The following CCSER1 variants were observed in gnomAD, a reference collection of about 807,000 sequenced individuals.
CCSER1 encodes coiled-coil serine rich protein 1, also known as serine-rich coiled-coil domain-containing protein 1.
A neutral mutation model predicts 82.0 loss-of-function variants in CCSER1; 41 were observed. That is an observed-to-expected ratio of 0.50 (90% CI 0.39 to 0.65). The LOEUF is 0.65. Ranked by LOEUF, CCSER1 falls within the 30% of genes least tolerant of loss-of-function variation. CCSER1 has a pLI of 0.00. For missense variants in CCSER1, 1,119 were observed against 1,064.2 expected (o/e 1.05, Z -0.72); for synonymous variants, 414 against 383.9 (o/e 1.08, Z -0.92).
At chr4:91,453,837 G>A (rs1578496967) in intron 10 of CCSER1, among the ~76,000 whole-genome samples, 1 of 152,106 alleles carries the variant, frequency 6.6e-6, no homozygotes, top group East Asian at 1.9e-4. Flanking sequence ...TTTTCATCTG[G>A]TGATAGGCCA....
intron 3 of CCSER1, among the ~76,000 whole-genome samples, chr4:90,348,749 A>G (rs1216938537): frequency 2.0e-5 from 3 of 152,182 alleles, no homozygotes; most frequent in African/African-American, 7.2e-5. Flanking sequence ...AGGGTTTAGC[A>G]TTATCTGAGG....
chr4:90,834,655 A>C (rs867754152), intron 8 of CCSER1, among the ~76,000 whole-genome samples: 38 of 152,212 alleles, frequency 2.5e-4, no homozygotes, highest in Non-Finnish European at 2.2e-4. Flanking sequence ...ACCCATTTTA[A>C]TCAATTTTCA....
chr4:90,930,912 A>T lies in CCSER1; in HGVS notation c.2172+7465A>T, dbSNP rs1319747668. On this transcript the variant is annotated intron_variant, in intron 9 of 10. Transcript: ENST00000509176. ...GCAAAAGGAAATTTATCCTTATTTT[A>T]TATATATATATATATATATATATAT... 2.5e-4 allele frequency among the ~76,000 whole-genome samples: 20 copies of T among 80,770 alleles called. No individual in the cohort carries two copies. The South Asian group carries it at 3.1e-3, about 12-fold the overall frequency. The allele number at this position is 80,770 out of a possible 152,430, so 53.0% of individuals were successfully genotyped here.
intron 10 of CCSER1, among the ~76,000 whole-genome samples, chr4:91,348,887 A>AT (rs1453238630): frequency 6.6e-6 from 1 of 151,830 alleles, no homozygotes; most frequent in Non-Finnish European, 1.5e-5. Flanking sequence ...GATTTTGTTG[A>AT]TTTTTTAAAA....
At chr4:90,982,830 T>C (rs1736237954) in intron 9 of CCSER1, among the ~76,000 whole-genome samples, 3 of 151,830 alleles carry the variant, frequency 2.0e-5, no homozygotes, top group Non-Finnish European at 4.4e-5. Flanking sequence ...ACTTCTATAA[T>C]AGGTTCCTGA....
At chr4:91,598,171 T>C (rs1289694424) in intron 10 of CCSER1, among the ~76,000 whole-genome samples, 1 of 152,216 alleles carries the variant, frequency 6.6e-6, no homozygotes, top group Non-Finnish European at 1.5e-5. Flanking sequence ...TAAGTAACTA[T>C]AGCATATTAA....
chr4:91,353,801 CTATTACTATGATTACTTTTATTA>C (rs1020951533), intron 10 of CCSER1, among the ~76,000 whole-genome samples: 1 of 152,160 alleles, frequency 6.6e-6, no homozygotes, highest in African/African-American at 2.4e-5. Context: ...AAGCAGGTTC[CTATTACTATGATTACTTTTATTA>C]TAAGAGTTTT....
chr4:90,287,366 G>T (rs1383685796), intron 1 of CCSER1, among the ~76,000 whole-genome samples: 1 of 151,878 alleles, frequency 6.6e-6, no homozygotes, highest in Non-Finnish European at 1.5e-5. Context: ...TATAATAGGA[G>T]AAACCTTAAG....
At chr4:91,151,949 T>C (rs920748602) in intron 10 of CCSER1, among the ~76,000 whole-genome samples, 6 of 152,226 alleles carry the variant, frequency 3.9e-5, no homozygotes, top group Admixed American at 6.5e-5. Flanking sequence ...ATGTATATTC[T>C]GTTGATTTGG....
chr4:90,222,576 G>A (rs7657924), intron 1 of CCSER1, among the ~76,000 whole-genome samples: 2,400 of 152,168 alleles, frequency 0.016, 35 homozygotes, highest in African/African-American at 0.041. Flanking sequence ...ATTTACGCAC[G>A]TTTATTTTAT....
chr4:90,352,748 T>C (rs974925998), intron 3 of CCSER1, among the ~76,000 whole-genome samples: 3 of 152,088 alleles, frequency 2.0e-5, no homozygotes, highest in African/African-American at 7.2e-5. Context: ...AACATAACAT[T>C]GAATAACTGT....
intron 5 of CCSER1, among the ~76,000 whole-genome samples, chr4:90,561,379 G>A (rs144265612): frequency 7.4e-4 from 112 of 152,278 alleles, no homozygotes; most frequent in African/African-American, 2.6e-3. Flanking sequence ...ACAAATCTTC[G>A]TGACATCCCA....
chr4:90,580,333 T>G (rs1233627492), intron 5 of CCSER1, among the ~76,000 whole-genome samples: 1 of 152,152 alleles, frequency 6.6e-6, no homozygotes. Flanking sequence ...GATTTCCTCA[T>G]GTATAAAATG....
chr4:91,392,025 G>A (rs976391230), intron 10 of CCSER1, among the ~76,000 whole-genome samples: 3 of 151,760 alleles, frequency 2.0e-5, no homozygotes, highest in East Asian at 1.9e-4. Flanking sequence ...TGTGCCCATC[G>A]ATACAGCAAT....
chr4:90,551,276 A>C (rs1777445100), intron 5 of CCSER1, among the ~76,000 whole-genome samples: 1 of 152,040 alleles, frequency 6.6e-6, no homozygotes, highest in African/African-American at 2.4e-5. Context: ...AAATCTCTTC[A>C]CATGTTTTAT....
At chr4:91,275,503 A>G (rs1298433630) in intron 10 of CCSER1, among the ~76,000 whole-genome samples, 1 of 152,118 alleles carries the variant, frequency 6.6e-6, no homozygotes, top group Non-Finnish European at 1.5e-5. Flanking sequence ...AATTTGTCCA[A>G]CTTTTAGTGG....
intron 10 of CCSER1, among the ~76,000 whole-genome samples, chr4:91,431,071 C>T (rs1754271238): frequency 6.6e-6 from 1 of 152,020 alleles, no homozygotes. Context: ...CCCGTCTCTA[C>T]TAAAAATACA....
intron 5 of CCSER1, among the ~76,000 whole-genome samples, chr4:90,481,706 C>T (rs575390589): frequency 7.2e-5 from 11 of 152,274 alleles, no homozygotes; most frequent in Non-Finnish European, 2.9e-5. Flanking sequence ...AGCCTTGCAT[C>T]CCAGGGATGA....
intron 10 of CCSER1, among the ~76,000 whole-genome samples, chr4:91,218,487 G>A (rs548707875): frequency 3.9e-5 from 6 of 152,236 alleles, no homozygotes; most frequent in South Asian, 2.1e-4. Context: ...GGGAGGTGCC[G>A]AGAGCAAGTG....
Sources: gnomAD v4.1 joint callset for allele counts (sites outside exome capture counted in the v4.1 genomes callset) on GRCh38, gnomAD v4.1.1 for gene constraint, MANE v1.5 for transcripts, NCBI Gene and HGNC (gene_info 2026-07-23, HGNC 2026-07-21) for gene names.